The following SGCZ variants were observed in gnomAD, a reference collection of about 807,000 sequenced individuals.
The protein encoded by SGCZ is sarcoglycan zeta.
In SGCZ, 40 loss-of-function variants were observed where a neutral mutation model predicts 41.3. That is an observed-to-expected ratio of 0.97 (90% confidence interval 0.75 to 1.26). The LOEUF (loss-of-function observed/expected upper bound fraction) is 1.26. Ranked by LOEUF, SGCZ falls within the 50% of genes most tolerant of loss-of-function variation. The probability of loss-of-function intolerance (pLI) is 0.00; values close to 1 mark genes in which losing one functional copy is unlikely to be tolerated. For synonymous variants in SGCZ, 206 were observed against 137.5 expected (o/e 1.50, Z -3.49); for missense variants, 552 against 369.8 (o/e 1.49, Z -4.04).
intron 1 of SGCZ, among the ~76,000 whole-genome samples, chr8:14,848,033 T>C (rs988625578): frequency 3.3e-5 from 5 of 152,078 alleles, no homozygotes; most frequent in African/African-American, 1.2e-4. Context: ...AATAAGTGAA[T>C]TTAGAAAGAC....
At chr8:14,454,042 A>C (rs1800672507) in intron 2 of SGCZ, among the ~76,000 whole-genome samples, 1 of 152,194 alleles carries the variant, frequency 6.6e-6, no homozygotes, top group African/African-American at 2.4e-5. Context: ...ACACTACCCC[A>C]AAAGGATATT....
chr8:14,101,915 C>G (rs560938329), intron 7 of SGCZ, among the ~76,000 whole-genome samples: 4 of 151,476 alleles, frequency 2.6e-5, no homozygotes, highest in South Asian at 4.2e-4. Context: ...TGTTTTGAGA[C>G]GGAGTCTCGC....
intron 1 of SGCZ, among the ~76,000 whole-genome samples, chr8:15,096,831 A>G (rs1331642106): frequency 6.6e-6 from 1 of 152,062 alleles, no homozygotes; most frequent in Non-Finnish European, 1.5e-5. Flanking sequence ...GACTACAGGC[A>G]CATACCACCA....
In SGCZ at chr8:14,931,523, G is replaced by T. The variant is rs560988102; in HGVS notation, c.39+306062C>A. On this transcript the variant is annotated intron_variant, in intron 1 of 7. Transcript: ENST00000382080. ...ATAAAATCAAGAGCAATAACAAAAT[G>T]ACATGCAGCATAACCTTGAATTTTT... Among the ~76,000 whole-genome samples the T allele has an allele frequency of 2.5e-3, 375 of 152,006 alleles. 11 individuals are homozygous for T. Among genetic ancestry groups the T allele is most frequent in the African/African-American group, 8.6e-3 (357 of 41,394 alleles).
intron 1 of SGCZ, among the ~76,000 whole-genome samples, chr8:15,008,541 A>AAGGAAGGAAGAGAGGGAGGGAGAG (rs1156576852): frequency 1.5e-4 from 9 of 59,778 alleles, no homozygotes; most frequent in African/African-American, 6.1e-4. Context: ...GGAAGGAAGG[A>AAGGAAGGAAGAGAGGGAGGGAGAG]AGGGAGGGAG....
At chr8:14,465,121 A>AT in intron 2 of SGCZ, among the ~76,000 whole-genome samples, 1 of 151,686 alleles carries the variant, frequency 6.6e-6, no homozygotes. Context: ...ATGTCCCCTA[A>AT]TTCCTTACTT....
At chr8:14,269,806 G>C (rs77202275) in intron 3 of SGCZ, among the ~76,000 whole-genome samples, 5,287 of 152,118 alleles carry the variant, frequency 0.035, 115 homozygotes, top group African/African-American at 0.063. Flanking sequence ...GGTTTGACTG[G>C]GTCAACAGTC....
At chr8:14,406,568 T>G (rs956020423) in intron 2 of SGCZ, among the ~76,000 whole-genome samples, 3 of 151,866 alleles carry the variant, frequency 2.0e-5, no homozygotes, top group African/African-American at 7.3e-5. Context: ...AGCTAAGAGG[T>G]GGAACTCTAC....
chr8:15,088,883 T>A (rs918541687), intron 1 of SGCZ, among the ~76,000 whole-genome samples: 6 of 152,198 alleles, frequency 3.9e-5, no homozygotes, highest in Non-Finnish European at 5.9e-5. Context: ...GTTTTAGCTT[T>A]CCTTTTAGAA....
chr8:14,099,969 T>C lies in SGCZ; in HGVS notation c.744+2407A>G, dbSNP rs544391475. Among the ~76,000 whole-genome samples, 4 of 152,034 alleles carry C rather than the reference T, an allele frequency of 2.6e-5. No homozygotes were observed. In the South Asian group the frequency reaches 8.3e-4, roughly 32 times the overall value. ...TCATCCATCATTTCATCCATCATTT[T>C]AGATACCTCAATACCATGACTGATA... On this transcript the variant is annotated intron_variant, in intron 7 of 7. Coordinates refer to ENST00000382080, the MANE Select transcript of SGCZ (RefSeq NM_139167.4).
intron 1 of SGCZ, among the ~76,000 whole-genome samples, chr8:15,049,282 A>G (rs755313130): frequency 1.6e-4 from 25 of 152,228 alleles, no homozygotes; most frequent in African/African-American, 5.3e-4. Flanking sequence ...AGGAAATTCA[A>G]TATATACAAA....
At chr8:14,300,149 G>A (rs370816660) in intron 3 of SGCZ, among the ~76,000 whole-genome samples, 1 of 151,898 alleles carries the variant, frequency 6.6e-6, no homozygotes, top group African/African-American at 2.4e-5. Flanking sequence ...GAATTACAAG[G>A]ATGTATAGTT....
intron 1 of SGCZ, among the ~76,000 whole-genome samples, chr8:15,079,410 C>T (rs972797907): frequency 1.3e-5 from 2 of 152,094 alleles, no homozygotes; most frequent in African/African-American, 4.8e-5. Context: ...GACATTGTTC[C>T]ATTTTCTTTT....
At chr8:15,237,466 C>G in intron 1 of SGCZ, 119 bp downstream of exon 1, 1 of 1,227,472 alleles carries the variant, frequency 8.1e-7, no homozygotes, top group Non-Finnish European at 1.2e-6. Context: ...CCCCAACGCC[C>G]CCTCGTCGTC....
chr8:15,195,890 A>ATTTT (rs10548247), intron 1 of SGCZ, among the ~76,000 whole-genome samples: 15 of 73,140 alleles, frequency 2.1e-4, no homozygotes, highest in Admixed American at 3.6e-4. Flanking sequence ...TTAGGCTTCG[A>ATTTT]TTTTTTTTTT....
At chr8:14,128,110 GA>G (rs908949407) in intron 5 of SGCZ, among the ~76,000 whole-genome samples, 54 of 152,150 alleles carry the variant, frequency 3.5e-4, no homozygotes, top group African/African-American at 1.3e-3. Flanking sequence ...AGGTTGTGGA[GA>G]AAAAAATGCT....
chr8:14,928,947 A>C (rs923946507), intron 1 of SGCZ, among the ~76,000 whole-genome samples: 2 of 152,150 alleles, frequency 1.3e-5, no homozygotes, highest in African/African-American at 4.8e-5. Context: ...GCTTGATGTT[A>C]TGAAATTCAT....
At chr8:14,486,236 T>C (rs1801670666) in intron 2 of SGCZ, among the ~76,000 whole-genome samples, 1 of 152,120 alleles carries the variant, frequency 6.6e-6, no homozygotes, top group African/African-American at 2.4e-5. Flanking sequence ...CCCCTTGAAA[T>C]TGCCTGGAAA....
intron 3 of SGCZ, among the ~76,000 whole-genome samples, chr8:14,301,949 G>C (rs1046641961): frequency 1.3e-5 from 2 of 152,214 alleles, no homozygotes; most frequent in African/African-American, 4.8e-5. Flanking sequence ...TTCCAAGGCT[G>C]CCTTTCATTT....
Sources: allele counts gnomAD v4.1 joint callset (sites outside exome capture counted in the v4.1 genomes callset), GRCh38; gene constraint gnomAD v4.1.1; transcripts MANE v1.5; gene names NCBI Gene and HGNC (gene_info 2026-07-23, HGNC 2026-07-21).